FAM81B: variants seen among roughly 807,000 people sequenced by gnomAD.
FAM81B encodes family with sequence similarity 81 member B.
FAM81B carries 60 observed loss-of-function variants against 58.7 expected under a neutral mutation model. That is an observed-to-expected ratio of 1.02 (90% CI 0.83 to 1.27). The LOEUF (loss-of-function observed/expected upper bound fraction) is 1.27, where lower values mean the gene tolerates loss of function less well. Among genes scored for constraint, FAM81B ranks in the 50% most tolerant of loss-of-function variants. FAM81B has a pLI of 0.00. For synonymous variants in FAM81B, 189 were observed against 179.6 expected (o/e 1.05, Z -0.42); for missense variants, 491 against 522.0 (o/e 0.94, Z 0.58).
intron 3 of FAM81B, among the ~76,000 whole-genome samples, chr5:95,399,929 G>A (rs1762062660): frequency 2.0e-5 from 3 of 152,220 alleles, no homozygotes. Context: ...CTGCTGTGAT[G>A]TAGGAGAAAG....
chr5:95,443,500 T>C (rs190759011), intron 7 of FAM81B, among the ~76,000 whole-genome samples: 4 of 152,274 alleles, frequency 2.6e-5, no homozygotes, highest in Admixed American at 1.3e-4. Flanking sequence ...CATACACCTA[T>C]TGAAATAGAA....
chr5:95,448,307 G>A lies in FAM81B; in HGVS notation c.1068G>A (p.Gln356=), dbSNP rs754516097. The change falls in exon 9 of 10, where the codon CAG becomes CAA. Residue 356 remains glutamine, a synonymous_variant. Transcript: ENST00000283357. ...ATAAAATGGAAGAAAAACTGCTGCA[G>A]CTTTCAAGCAAAGTAGAGAATTTCA... ...SENKMEEKLL[Q]LSSKVENFIN... 2 of 1,607,720 alleles carry A rather than the reference G, an allele frequency of 1.2e-6. No homozygotes were observed. Among genetic ancestry groups the A allele is most frequent in the Non-Finnish European group, 1.7e-6 (2 of 1,178,328 alleles).
At chr5:95,405,604 GTTGT>G (rs913074268) in intron 3 of FAM81B, among the ~76,000 whole-genome samples, 2 of 151,998 alleles carry the variant, frequency 1.3e-5, no homozygotes, top group African/African-American at 4.8e-5. Context: ...AATCTACTAG[GTTGT>G]TTATTTGTAG....
chr5:95,413,845 G>A, intron 3 of FAM81B, 102 bp from the exon 4 acceptor site: 1 of 1,487,142 alleles, frequency 6.7e-7, no homozygotes. Flanking sequence ...TTCTCACAGG[G>A]CAAAAATAAA....
Position 95,391,377 on chromosome 5 carries a change from G to T in FAM81B, c.-13G>T. The T allele has an allele frequency of 6.2e-7, 1 of 1,609,902 alleles. No individual in the cohort carries two copies. The highest frequency in any genetic ancestry group is 1.1e-5 in the South Asian group (1 of 90,460). The stretch of plus-strand genomic sequence containing the variant: ...TGGGAAGAGGCCCCAGAAACAGGAA[G>T]ACCTTAGTTAGGATGCAATTACAAT... On this transcript the variant is annotated 5_prime_UTR_variant, in exon 1 of 10. Transcript: ENST00000283357.
intron 1 of FAM81B, 125 bp from the exon 2 acceptor site, chr5:95,392,669 T>C (rs1761857801): frequency 1.4e-6 from 1 of 717,224 alleles, no homozygotes; most frequent in Non-Finnish European, 2.4e-6. Flanking sequence ...GTAAAGCAAA[T>C]TGAAAGCCTC....
intron 3 of FAM81B, among the ~76,000 whole-genome samples, chr5:95,398,847 T>C (rs1027697145): frequency 6.6e-6 from 1 of 152,184 alleles, no homozygotes; most frequent in Non-Finnish European, 1.5e-5. Flanking sequence ...AAGGCAGGAA[T>C]ATTCTTACGG....
intron 6 of FAM81B, among the ~76,000 whole-genome samples, chr5:95,431,072 T>A (rs10463167): frequency 6.2e-4 from 95 of 152,242 alleles, no homozygotes; most frequent in African/African-American, 2.3e-3. Context: ...GCTCTTTATA[T>A]GGTAAGGAGA....
In FAM81B at chr5:95,428,739, G is replaced by T; in HGVS notation, c.786+7G>T. ...CAAGAACTTGGACATGAAGGTAATTGAAAATAGATGGGACTCATATTACGT... is the reference window on the plus strand; with the variant it reads ...CAAGAACTTGGACATGAAGGTAATTTAAAATAGATGGGACTCATATTACGT... On this transcript the variant is annotated splice_region_variant and intron_variant, in intron 6 of 9. Transcript: ENST00000283357. 1 of 1,613,656 alleles carries T rather than the reference G, an allele frequency of 6.2e-7. No homozygotes were observed. Among genetic ancestry groups the T allele is most frequent in the South Asian group, 1.1e-5 (1 of 91,060 alleles).
In FAM81B at chr5:95,428,710, T is replaced by C; in HGVS notation, c.764T>C (p.Leu255Pro). The change falls in exon 6 of 10, where the codon CTT becomes CCT. Residue 255 changes from leucine (L) to proline (P), a missense_variant. Physicochemically the swap from Leu to Pro is moderately conservative, Grantham distance 98 (BLOSUM62 -3). Coordinates refer to ENST00000283357, the MANE Select transcript of FAM81B (RefSeq NM_152548.3). ...IQEFVPALET[L>P]SKNLDMKVMQ... ...GAATTCGTGCCCGCCCTGGAAACTCTTTCCAAGAACTTGGACATGAAGGTA... is the reference window on the plus strand; with the variant it reads ...GAATTCGTGCCCGCCCTGGAAACTCCTTCCAAGAACTTGGACATGAAGGTA... 1.2e-6 allele frequency: 2 copies of C among 1,613,964 alleles called. No individual in the cohort carries two copies. The highest frequency in any genetic ancestry group is 1.7e-6 in the Non-Finnish European group (2 of 1,179,838).
chr5:95,392,188 T>C (rs1039261277), intron 1 of FAM81B, among the ~76,000 whole-genome samples: 2 of 152,328 alleles, frequency 1.3e-5, no homozygotes, highest in African/African-American at 4.8e-5. Context: ...AAGGATGAGT[T>C]CATGTCCCTT....
intron 3 of FAM81B, among the ~76,000 whole-genome samples, chr5:95,411,835 T>C (rs1762412770): frequency 6.6e-6 from 1 of 152,248 alleles, no homozygotes; most frequent in Non-Finnish European, 1.5e-5. Flanking sequence ...GTTGTGATAA[T>C]GCACTTTTGT....
intron 3 of FAM81B, among the ~76,000 whole-genome samples, chr5:95,412,521 T>C (rs1412024381): frequency 6.6e-6 from 1 of 152,174 alleles, no homozygotes; most frequent in Admixed American, 6.5e-5. Flanking sequence ...TGCAAACAAA[T>C]GAAATATTTT....
At chr5:95,403,353 GGTATGGACTAGAGTAAATGTGT>G (rs1561292206) in intron 3 of FAM81B, among the ~76,000 whole-genome samples, 1 of 152,162 alleles carries the variant, frequency 6.6e-6, no homozygotes, top group Non-Finnish European at 1.5e-5. Context: ...TAGTATTACA[GGTATGGACTAGAGTAAATGTGT>G]GTATGGACTA....
At chr5:95,406,207 TG>T (rs1762241752) in intron 3 of FAM81B, 1 of 154,438 alleles carries the variant, frequency 6.5e-6, no homozygotes, top group African/African-American at 2.4e-5. Context: ...AGATGGAGAT[TG>T]GCGAATAGAA....
intron 7 of FAM81B, chr5:95,440,028 C>G: frequency 2.6e-6 from 1 of 388,004 alleles, no homozygotes; most frequent in Non-Finnish European, 5.1e-6. Flanking sequence ...CTAAAAAAGT[C>G]TTTTAACAAA....
At chr5:95,408,341 A>C (rs748687041) in intron 3 of FAM81B, among the ~76,000 whole-genome samples, 3 of 152,078 alleles carry the variant, frequency 2.0e-5, no homozygotes, top group African/African-American at 7.2e-5. Flanking sequence ...TTTCTAATTT[A>C]CTTTGTTTAC....
intron 2 of FAM81B, among the ~76,000 whole-genome samples, chr5:95,394,256 T>C (rs907557574): frequency 3.2e-4 from 49 of 152,106 alleles, no homozygotes; most frequent in African/African-American, 1.1e-3. Context: ...ATTAATAAAA[T>C]AAAAATAAAA....
At chr5:95,427,894 T>G (rs1410460962) in intron 5 of FAM81B, among the ~76,000 whole-genome samples, 1 of 152,174 alleles carries the variant, frequency 6.6e-6, no homozygotes, top group Non-Finnish European at 1.5e-5. Context: ...GTGTTATCTT[T>G]CCTAACATAC....
Sources: allele counts gnomAD v4.1 joint callset (sites outside exome capture counted in the v4.1 genomes callset), GRCh38; gene constraint gnomAD v4.1.1; transcripts MANE v1.5; gene names NCBI Gene and HGNC (gene_info 2026-07-23, HGNC 2026-07-21).